Variants in SPATA7 observed in about 807,000 individuals in gnomAD.
The protein encoded by SPATA7 is spermatogenesis-associated protein 7.
A neutral mutation model predicts 51.8 loss-of-function variants in SPATA7; 43 were observed. That is an observed-to-expected ratio of 0.83 (90% CI 0.65 to 1.07). SPATA7 has a LOEUF of 1.07. SPATA7 is among the 50% of genes least tolerant of loss of function. The probability of loss-of-function intolerance (pLI) is 0.00; values close to 1 mark genes in which losing one functional copy is unlikely to be tolerated. For synonymous variants in SPATA7, 230 were observed against 252.8 expected, an observed-to-expected ratio of 0.91 and a Z score of 0.86; for missense variants, 683 against 701.3, an observed-to-expected ratio of 0.97 and a Z score of 0.30.
At position 88,469,745 on chromosome 14, in the gene SPATA7, G is replaced by T; in HGVS notation, c.255-102G>T. ...TCCCTTCCACCCTCCTGTTAAAGATGAGCATGGTTAAATGACTCGAGATCC... is the reference window on the plus strand; with the variant it reads ...TCCCTTCCACCCTCCTGTTAAAGATTAGCATGGTTAAATGACTCGAGATCC... On this transcript the variant is annotated intron_variant, in intron 4 of 4. Coordinates refer to the SPATA7 transcript ENST00000556406. This position sits in a 1 kb window ranked among gnomAD's most constrained non-coding sequence, Gnocchi z 4.3. 1.2e-6 allele frequency: 2 copies of T among 1,613,426 alleles called. No individual in the cohort carries two copies. Among genetic ancestry groups the T allele is most frequent in the Non-Finnish European group, 1.7e-6 (2 of 1,179,368 alleles).
At chr14:88,446,817 G>C (rs936144985) in intron 3 of SPATA7, among the ~76,000 whole-genome samples, 12 of 151,756 alleles carry the variant, frequency 7.9e-5, no homozygotes, top group African/African-American at 2.9e-4. Flanking sequence ...TTAATCCTGA[G>C]TTCTAGTTTG....
At chr14:88,399,381 T>C (rs2075993159) in intron 4 of SPATA7, among the ~76,000 whole-genome samples, 1 of 151,982 alleles carries the variant, frequency 6.6e-6, no homozygotes, top group Admixed American at 6.6e-5. Flanking sequence ...TGAAGGAAAA[T>C]TAGATTCAAA....
At chr14:88,456,263 G>C (rs903997781), downstream of SPATA7, among the ~76,000 whole-genome samples, 2 of 149,776 alleles carry the variant, frequency 1.3e-5, no homozygotes, top group African/African-American at 5.1e-5. Flanking sequence ...TGGGTCAAAT[G>C]ATATTTCTAG....
chr14:88,387,498 A>C (rs1014159020), intron 1 of SPATA7, among the ~76,000 whole-genome samples: 3 of 152,198 alleles, frequency 2.0e-5, no homozygotes, highest in African/African-American at 7.2e-5. Flanking sequence ...CAGCTAAAAT[A>C]ATTGAGAATA....
intron 4 of SPATA7, among the ~76,000 whole-genome samples, chr14:88,402,640 A>G (rs761631761): frequency 6.6e-6 from 1 of 152,194 alleles, no homozygotes; most frequent in Non-Finnish European, 1.5e-5. Flanking sequence ...AAATCAACTC[A>G]TACAAAAATC....
chr14:88,394,115 A>G (rs1176723261), intron 3 of SPATA7, among the ~76,000 whole-genome samples: 2 of 152,354 alleles, frequency 1.3e-5, no homozygotes, highest in Non-Finnish European at 2.9e-5. Flanking sequence ...GTAGTTATCC[A>G]TAGACAAACA....
At chr14:88,442,896 C>T (rs910186053), downstream of SPATA7, among the ~76,000 whole-genome samples, 1 of 149,912 alleles carries the variant, frequency 6.7e-6, no homozygotes, top group Non-Finnish European at 1.5e-5. Context: ...TAGAATTCAG[C>T]TGTGAATTCA....
At chr14:88,427,729 A>C (rs757222575) in intron 7 of SPATA7, 33 bp downstream of exon 7, 1 of 1,435,956 alleles carries the variant, frequency 7.0e-7, no homozygotes, top group Admixed American at 1.7e-5. Context: ...GTATTGCTAC[A>C]TTTGAATTAC....
chr14:88,400,256 A>C (rs1043950925), intron 4 of SPATA7, among the ~76,000 whole-genome samples: 5 of 152,224 alleles, frequency 3.3e-5, no homozygotes, highest in Non-Finnish European at 5.9e-5. Context: ...ATAAAAACAG[A>C]ATTTTGATAT....
intron 11 of SPATA7, 79 bp from the exon 12 acceptor site, chr14:88,437,759 C>T: frequency 7.0e-7 from 1 of 1,425,886 alleles, no homozygotes; most frequent in Non-Finnish European, 9.5e-7. Flanking sequence ...AGTATTAATC[C>T]TGTGAGATTT....
chr14:88,403,812 T>A (rs1398991276), intron 4 of SPATA7, among the ~76,000 whole-genome samples: 1 of 152,168 alleles, frequency 6.6e-6, no homozygotes, highest in Non-Finnish European at 1.5e-5. Context: ...TTGAGTAAGT[T>A]CTGGAGATCT....
In SPATA7 at chr14:88,469,124, TCA is replaced by T. The variant is rs1314636590; in HGVS notation, c.255-720_255-719del. The stretch of plus-strand genomic sequence containing the variant: ...AAAAGTACTCAAGGATCAAGGCGTA[TCA>T]CATTGTTGACTCAATCTTCATATTC... On this transcript the variant is annotated intron_variant, in intron 4 of 4. Transcript: ENST00000556406. This position sits in a 1 kb window ranked among gnomAD's most constrained non-coding sequence, Gnocchi z 4.3. 1.4e-5 allele frequency: 22 copies of T among 1,557,850 alleles called. No individual in the cohort carries two copies. The highest frequency in any genetic ancestry group is 1.8e-5 in the Non-Finnish European group (21 of 1,142,438).
intron 4 of SPATA7, among the ~76,000 whole-genome samples, chr14:88,463,408 AGAC>A (rs2077329879): frequency 6.6e-6 from 1 of 152,176 alleles, no homozygotes; most frequent in Non-Finnish European, 1.5e-5. Flanking sequence ...CCCATAAAAC[AGAC>A]ACTTAACTTC....
At chr14:88,447,045 C>G (rs1595311169) in intron 3 of SPATA7, among the ~76,000 whole-genome samples, 1 of 151,944 alleles carries the variant, frequency 6.6e-6, no homozygotes, top group Non-Finnish European at 1.5e-5. Context: ...TCCTTGTTGA[C>G]TTTCTGTCTC....
intron 5 of SPATA7, among the ~76,000 whole-genome samples, chr14:88,419,791 C>T (rs1431225227): frequency 1.3e-5 from 2 of 152,036 alleles, no homozygotes; most frequent in African/African-American, 4.8e-5. Flanking sequence ...TCCCAAAGTG[C>T]TGTGATAATC....
At chr14:88,441,271 A>G (rs2077177169), downstream of SPATA7, among the ~76,000 whole-genome samples, 1 of 152,022 alleles carries the variant, frequency 6.6e-6, no homozygotes, top group East Asian at 1.9e-4. Context: ...GGCTGGTTCC[A>G]TATTTTTGCA....
chr14:88,394,285 T>C (rs1277525199), intron 3 of SPATA7, among the ~76,000 whole-genome samples: 1 of 152,156 alleles, frequency 6.6e-6, no homozygotes, highest in Non-Finnish European at 1.5e-5. Context: ...AAAAAGTCCA[T>C]TACCTCAAAG....
exon 5 of SPATA7, chr14:88,470,322 T>A: frequency 2.3e-6 from 1 of 431,616 alleles, no homozygotes; most frequent in Non-Finnish European, 4.2e-6. Context: ...CAGTTCTCAT[T>A]TATACAATAA....
chr14:88,433,179 A>G lies in SPATA7; in HGVS notation c.1127A>G (p.Asp376Gly), dbSNP rs2076985537. The G allele has an allele frequency of 3.7e-6, 6 of 1,611,742 alleles. No individual in the cohort carries two copies. The highest frequency in any genetic ancestry group is 4.2e-6 in the Non-Finnish European group (5 of 1,179,410). Reference sequence around the variant, plus strand: ...CTGAGTTTCATTGAAGATGTAACAGATGAAATTTTGAAACTTGGTTTATTT... The same window carrying G: ...CTGAGTTTCATTGAAGATGTAACAGGTGAAATTTTGAAACTTGGTTTATTT... ...LYLSFIEDVT[D>G]EILKLGLFSN... The change falls in exon 10 of 12, where the codon GAT becomes GGT. Residue 376 changes from aspartate (D) to glycine (G), a missense_variant. Coordinates refer to ENST00000393545, the MANE Select transcript of SPATA7 (RefSeq NM_018418.5).
Sources: gnomAD v4.1 joint callset for allele counts (sites outside exome capture counted in the v4.1 genomes callset) on GRCh38, gnomAD v4.1.1 for gene constraint, Gnocchi (gnomAD v3.1) non-coding constraint, MANE v1.5 for transcripts, NCBI Gene and HGNC (gene_info 2026-07-23, HGNC 2026-07-21) for gene names.